LRRC9: variants seen among roughly 807,000 people sequenced by gnomAD.
LRRC9 encodes the protein leucine-rich repeat-containing protein 9.
In LRRC9, 122 loss-of-function variants were observed where a neutral mutation model predicts 63.2. The observed-to-expected ratio is 1.93, with a 90% CI of 1.67 to 2.24. The LOEUF is 2.24. LRRC9 is among the 30% of genes most tolerant of loss of function. The pLI, the probability that LRRC9 is intolerant of heterozygous loss-of-function variation, is 0.00. For missense variants in LRRC9, 1,071 were observed against 627.7 expected, an observed-to-expected ratio of 1.71 and a Z score of -7.55; for synonymous variants, 366 against 213.1, an observed-to-expected ratio of 1.72 and a Z score of -6.25.
chr14:60,033,224 A>C (rs1022648945), intron 29 of LRRC9, among the ~76,000 whole-genome samples: 2 of 151,792 alleles, frequency 1.3e-5, no homozygotes, highest in African/African-American at 4.8e-5. Flanking sequence ...TGGTTTGTAA[A>C]TTTTTTTGGA....
chr14:59,926,750 T>C (rs2139756732), intron 1 of LRRC9, among the ~76,000 whole-genome samples: 1 of 152,290 alleles, frequency 6.6e-6, no homozygotes, highest in African/African-American at 2.4e-5. Context: ...CAACATTTGT[T>C]TACGTGAAAC....
chr14:60,016,223 A>G (rs1890674823), intron 23 of LRRC9, among the ~76,000 whole-genome samples: 2 of 152,032 alleles, frequency 1.3e-5, no homozygotes, highest in Non-Finnish European at 1.5e-5. Context: ...AAAAATTTTT[A>G]GAGACAGGAT....
rs1884604522 is a variant in LRRC9, at chr14:59,964,073, C to G, written c.1212-2516C>G. 6.6e-6 allele frequency among the ~76,000 whole-genome samples: 1 copy of G among 152,160 alleles called. No individual in the cohort carries two copies. The highest frequency in any genetic ancestry group is 1.9e-4 in the East Asian group (1 of 5,176). On this transcript the variant is annotated intron_variant, in intron 10 of 31. Coordinates refer to ENST00000445360, the Ensembl canonical transcript of LRRC9. The surrounding 1 kb of genome is among the most constrained non-coding windows in gnomAD (Gnocchi z 4.4). ...ACTGAATGAATGAGGGTAAGGTACA[C>G]AGTTCAGCTGACTCTAAAGGATTTG...
intron 9 of LRRC9, among the ~76,000 whole-genome samples, 178 bp from the exon 10 acceptor site, chr14:59,960,736 A>G (rs1380743402): frequency 2.0e-5 from 3 of 152,224 alleles, no homozygotes; most frequent in Non-Finnish European, 4.4e-5. Flanking sequence ...ATTAAAGGTG[A>G]TTTTAATTGC....
rs1244891028 is a variant in LRRC9 at position 60,003,777 on chromosome 14, AAC to A, written c.2822_2823del (p.Asn941MetfsTer13). On this transcript the variant is annotated frameshift_variant, in exon 21 of 32. Coordinates refer to ENST00000445360, the Ensembl canonical transcript of LRRC9. LOFTEE classifies it high-confidence loss of function. This position sits in a 1 kb window ranked among gnomAD's most constrained non-coding sequence, Gnocchi z 4.2. ...CTTGGAAGAGCTCACATTAGATGGAAACTGCATCTCAAAGATAGAAGGTAAGG... is the reference window on the plus strand; with the variant it reads ...CTTGGAAGAGCTCACATTAGATGGAATGCATCTCAAAGATAGAAGGTAAGG... 7 of 621,760 alleles carry A rather than the reference AAC, an allele frequency of 1.1e-5. No individual in the cohort carries two copies. The highest frequency in any genetic ancestry group is 2.0e-5 in the Non-Finnish European group (7 of 351,576). The allele number at this position is 621,760 out of a possible 1,614,324, so 38.5% of individuals were successfully genotyped here.
In LRRC9 at chr14:60,042,334, C is replaced by A. The variant is rs1425663426; in HGVS notation, c.3990+10271C>A. Among the ~76,000 whole-genome samples the A allele has an allele frequency of 6.6e-6, 1 of 152,218 alleles. No individual in the cohort carries two copies. Among genetic ancestry groups the A allele is most frequent in the Non-Finnish European group, 1.5e-5 (1 of 68,032 alleles). On this transcript the variant is annotated intron_variant, in intron 29 of 31. Transcript: ENST00000445360. This position sits in a 1 kb window ranked among gnomAD's most constrained non-coding sequence, Gnocchi z 4.2. ...TTCTGCTGCCTGTTGTTCAGCTATGCCCTGCCCCCAGAGGTGGAGTCTACA... is the reference window on the plus strand; with the variant it reads ...TTCTGCTGCCTGTTGTTCAGCTATGACCTGCCCCCAGAGGTGGAGTCTACA...
chr14:59,972,237 G>A (rs1262630394), intron 12 of LRRC9, among the ~76,000 whole-genome samples: 1 of 152,038 alleles, frequency 6.6e-6, no homozygotes, highest in African/African-American at 2.4e-5. Context: ...TCTTTTGTGT[G>A]GCTTTTCCTG....
chr14:59,926,100 A>G (rs1417681600), intron 1 of LRRC9, among the ~76,000 whole-genome samples: 3 of 152,160 alleles, frequency 2.0e-5, no homozygotes, highest in Non-Finnish European at 4.4e-5. Context: ...CTGTGAGTCA[A>G]TTAAACCTCT....
rs201490710 is a variant in LRRC9 at position 60,003,731 on chromosome 14, G to C, written c.2775G>C (p.Glu925Asp). ...GCAATAATAATCTCACTAAAATGGA[G>C]GGTCTGGAATCCTGTATTAACTTGG... The change falls in exon 21 of 32, where the codon GAG becomes GAC. Residue 925 changes from glutamate (E) to aspartate (D), a missense_variant. Coordinates refer to ENST00000445360, the Ensembl canonical transcript of LRRC9. The surrounding 1 kb of genome is among the most constrained non-coding windows in gnomAD (Gnocchi z 4.2). 13 of 695,446 alleles carry C rather than the reference G, an allele frequency of 1.9e-5. No homozygotes were observed. The African/African-American group carries it at 2.1e-4, about 11-fold the overall frequency. The allele number at this position is 695,446 out of a possible 1,614,324, so 43.1% of individuals were successfully genotyped here. A position where few individuals can be genotyped will look rare whatever the true frequency, so the allele number is the denominator to read the frequency against.
At chr14:59,924,364 C>A (rs1034171915) in intron 1 of LRRC9, among the ~76,000 whole-genome samples, 6 of 152,198 alleles carry the variant, frequency 3.9e-5, no homozygotes, top group South Asian at 2.1e-4. Flanking sequence ...CTTCCAAATT[C>A]TTTCAGGTTG....
At position 59,981,900 on chromosome 14, in the gene LRRC9, G is replaced by GC; in HGVS notation, c.1932dup (p.Lys645GlnfsTer16). On this transcript the variant is annotated frameshift_variant, in exon 16 of 32. Transcript: ENST00000445360. LOFTEE classifies it high-confidence loss of function. Reference sequence around the variant, plus strand: ...TTCAACAATGTTATTCTAGAAGAAAGCAAAAAAAACCCAGAAGTATCAGTA... The same window carrying GC: ...TTCAACAATGTTATTCTAGAAGAAAGCCAAAAAAAACCCAGAAGTATCAGTA... 2 of 701,840 alleles carry GC rather than the reference G, an allele frequency of 2.8e-6. No individual in the cohort carries two copies. Among genetic ancestry groups the GC allele is most frequent in the Non-Finnish European group, 5.2e-6 (2 of 384,530 alleles). 43.5% of individuals were successfully genotyped at this position (701,840 alleles called of 1,614,324 possible).
In LRRC9 at chr14:59,966,240, G is replaced by A. The variant is rs971978536; in HGVS notation, c.1212-349G>A. On this transcript the variant is annotated intron_variant, in intron 10 of 31. Transcript: ENST00000445360. The surrounding 1 kb of genome is among the most constrained non-coding windows in gnomAD (Gnocchi z 4.0). ...CTAGGGAGAGTGTTCGTGGAAGCAA[G>A]AGGAAGGCCAAAGGCTGATCCCTGG... is the stretch of plus-strand genomic sequence containing the variant. Among the ~76,000 whole-genome samples the A allele has an allele frequency of 6.6e-6, 1 of 152,170 alleles. No individual in the cohort carries two copies. Among genetic ancestry groups the A allele is most frequent in the Admixed American group, 6.5e-5 (1 of 15,278 alleles).
At position 60,017,570 on chromosome 14, in the gene LRRC9, C is replaced by T. The variant is rs1890793021; in HGVS notation, c.3317+780C>T. 6.6e-6 allele frequency among the ~76,000 whole-genome samples: 1 copy of T among 152,084 alleles called. No individual in the cohort carries two copies. The highest frequency in any genetic ancestry group is 1.5e-5 in the Non-Finnish European group (1 of 67,976). On this transcript the variant is annotated intron_variant, in intron 24 of 31. Transcript: ENST00000445360. This position sits in a 1 kb window ranked among gnomAD's most constrained non-coding sequence, Gnocchi z 4.0. ...CTCCTCTTTATTTTTATTTTTCTGG[C>T]TCCCACTTCTTGGGGGCTGAAACAT...
At chr14:59,955,372 GAGGGTGTATGTGTCC>G (rs1883626730) in intron 8 of LRRC9, among the ~76,000 whole-genome samples, 1 of 152,166 alleles carries the variant, frequency 6.6e-6, no homozygotes, top group Non-Finnish European at 1.5e-5. Flanking sequence ...TTAGTCTTGG[GAGGGTGTATGTGTCC>G]AGGAATTTTT....
chr14:60,021,013 G>A (rs1891076774), intron 26 of LRRC9, among the ~76,000 whole-genome samples: 1 of 151,894 alleles, frequency 6.6e-6, no homozygotes, highest in Non-Finnish European at 1.5e-5. Context: ...ATACCTATGA[G>A]TGGAATGGTT....
At chr14:59,951,942 G>A (rs1003298206) in intron 8 of LRRC9, among the ~76,000 whole-genome samples, 4 of 152,050 alleles carry the variant, frequency 2.6e-5, no homozygotes, top group Admixed American at 6.6e-5. Context: ...AGAGATTACT[G>A]CTGTCTTTTT....
chr14:60,003,863 A>G lies in LRRC9; in HGVS notation c.2842+65A>G, dbSNP rs1323131216. The G allele has an allele frequency of 1.9e-6, 1 of 534,398 alleles. No homozygotes were observed. Among genetic ancestry groups the G allele is most frequent in the East Asian group, 3.1e-5 (1 of 32,266 alleles). 33.1% of individuals were successfully genotyped at this position (534,398 alleles called of 1,614,324 possible). ...TGTCTAAACAACAAAGCAAAAAATA[A>G]CCCTGGGAACAGAGTTTCTGAAGAG... On this transcript the variant is annotated intron_variant, in intron 21 of 31. Coordinates refer to ENST00000445360, the Ensembl canonical transcript of LRRC9. This position sits in a 1 kb window ranked among gnomAD's most constrained non-coding sequence, Gnocchi z 4.2.
chr14:60,045,275 T>A (rs1893320817), intron 29 of LRRC9, among the ~76,000 whole-genome samples: 1 of 152,118 alleles, frequency 6.6e-6, no homozygotes, highest in Non-Finnish European at 1.5e-5. Flanking sequence ...AAATTTCAAC[T>A]TTTATTTTAA....
exon 19 of LRRC9, chr14:59,999,130 C>A (rs1385289933): frequency 1.0e-5 from 7 of 697,496 alleles, no homozygotes; most frequent in Non-Finnish European, 1.8e-5. Context: ...GTGTTATTGG[C>A]AGATTAAAGA....
Sources: gnomAD v4.1 joint callset for allele counts (sites outside exome capture counted in the v4.1 genomes callset) on GRCh38, gnomAD v4.1.1 for gene constraint, Gnocchi (gnomAD v3.1) non-coding constraint, MANE v1.5 for transcripts, NCBI Gene and HGNC (gene_info 2026-07-23, HGNC 2026-07-21) for gene names.